The following ST6GALNAC3 variants were observed in gnomAD, a reference collection of about 807,000 sequenced individuals.
ST6GALNAC3 encodes alpha-N-acetylgalactosaminide alpha-2,6-sialyltransferase 3.
Under a neutral mutation model 32.7 loss-of-function variants are expected in ST6GALNAC3, and 25 were observed. That is an observed-to-expected ratio of 0.76 (90% confidence interval 0.56 to 1.07). The LOEUF (loss-of-function observed/expected upper bound fraction) is 1.07. ST6GALNAC3 is among the 50% of genes least tolerant of loss of function. ST6GALNAC3 has a pLI of 0.00. For synonymous variants in ST6GALNAC3, 129 were observed against 133.1 expected (o/e 0.97, Z 0.21); for missense variants, 355 against 382.4 (o/e 0.93, Z 0.60).
At chr1:76,634,941 C>T (rs1442242707), downstream of ST6GALNAC3, among the ~76,000 whole-genome samples, 1 of 42,118 alleles carries the variant, frequency 2.4e-5, no homozygotes, top group Non-Finnish European at 4.5e-5. Context: ...CCTCGTGATC[C>T]GCCCGCCTCG....
intron 1 of ST6GALNAC3, among the ~76,000 whole-genome samples, chr1:76,305,291 A>G (rs1294990838): frequency 2.0e-5 from 3 of 152,134 alleles, no homozygotes; most frequent in Non-Finnish European, 4.4e-5. Flanking sequence ...AAAGAAGATC[A>G]CTTTGGGATA....
At chr1:76,517,067 T>C (rs972732971) in intron 3 of ST6GALNAC3, among the ~76,000 whole-genome samples, 2 of 151,946 alleles carry the variant, frequency 1.3e-5, no homozygotes, top group East Asian at 3.9e-4. Context: ...TAAAAATTTC[T>C]TTGGGATTCT....
intron 2 of ST6GALNAC3, among the ~76,000 whole-genome samples, chr1:76,357,143 T>TTTTTTTTTTTTTTG (rs1420644831): frequency 6.8e-6 from 1 of 145,986 alleles, no homozygotes; most frequent in African/African-American, 2.5e-5. Flanking sequence ...TTTTTTTTTT[T>TTTTTTTTTTTTTTG]TTCATTTTTG....
chr1:76,468,786 A>G (rs1487148272), intron 3 of ST6GALNAC3, among the ~76,000 whole-genome samples: 1 of 152,076 alleles, frequency 6.6e-6, no homozygotes, highest in African/African-American at 2.4e-5. Context: ...AATCAATATA[A>G]TTTGGCAATA....
At chr1:76,491,818 T>G (rs1472409000) in intron 3 of ST6GALNAC3, among the ~76,000 whole-genome samples, 1 of 152,152 alleles carries the variant, frequency 6.6e-6, no homozygotes, top group African/African-American at 2.4e-5. Context: ...AAATTCCCCC[T>G]CAAATTCTTT....
At chr1:76,465,611 A>G (rs999658063) in intron 3 of ST6GALNAC3, among the ~76,000 whole-genome samples, 1 of 152,170 alleles carries the variant, frequency 6.6e-6, no homozygotes, top group African/African-American at 2.4e-5. Context: ...TAGAACTACA[A>G]TTGTCTTACT....
intron 3 of ST6GALNAC3, among the ~76,000 whole-genome samples, chr1:76,601,437 G>C (rs555631277): frequency 6.6e-6 from 1 of 151,990 alleles, no homozygotes; most frequent in Admixed American, 6.6e-5. Context: ...AAAATTAAAG[G>C]GTAAAACTAC....
intron 2 of ST6GALNAC3, among the ~76,000 whole-genome samples, chr1:76,349,041 C>A (rs1290635519): frequency 6.6e-6 from 1 of 152,120 alleles, no homozygotes; most frequent in Non-Finnish European, 1.5e-5. Flanking sequence ...AGCAGCAATT[C>A]CCCATGCTGC....
chr1:76,628,327 G>A (rs1039217392), intron 4 of ST6GALNAC3, among the ~76,000 whole-genome samples: 2 of 151,906 alleles, frequency 1.3e-5, no homozygotes, highest in South Asian at 4.1e-4. Context: ...TCTGCAAGAG[G>A]CTATCTAAAG....
At chr1:76,207,055 A>G (rs1415874043) in intron 1 of ST6GALNAC3, among the ~76,000 whole-genome samples, 1 of 152,202 alleles carries the variant, frequency 6.6e-6, no homozygotes, top group Admixed American at 6.5e-5. Flanking sequence ...TTAAGAGAGA[A>G]ATGTTACTCC....
chr1:76,367,606 T>C (rs1213683612), intron 2 of ST6GALNAC3, among the ~76,000 whole-genome samples: 1 of 152,190 alleles, frequency 6.6e-6, no homozygotes, highest in Admixed American at 6.5e-5. Flanking sequence ...TTACATATTA[T>C]AGATAGCTCT....
At chr1:76,221,335 A>G (rs905994894) in intron 1 of ST6GALNAC3, among the ~76,000 whole-genome samples, 1 of 152,188 alleles carries the variant, frequency 6.6e-6, no homozygotes, top group Non-Finnish European at 1.5e-5. Context: ...GGAAGGGTCC[A>G]CAGGGTCTGG....
intron 1 of ST6GALNAC3, among the ~76,000 whole-genome samples, chr1:76,202,268 A>ATGCATG (rs375529641): frequency 1.3e-4 from 19 of 145,330 alleles, no homozygotes; most frequent in African/African-American, 3.6e-4. Context: ...GTGTGCATGC[A>ATGCATG]TGTGTGTGTG....
At chr1:76,568,170 C>T (rs915635617) in intron 3 of ST6GALNAC3, among the ~76,000 whole-genome samples, 16 of 152,282 alleles carry the variant, frequency 1.1e-4, no homozygotes, top group Middle Eastern at 3.4e-3. Context: ...TATCATTCCA[C>T]GCTTTGAAGC....
chr1:76,139,172 C>G (rs1020181255), intron 1 of ST6GALNAC3, among the ~76,000 whole-genome samples: 1 of 150,258 alleles, frequency 6.7e-6, no homozygotes, highest in Non-Finnish European at 1.5e-5. Context: ...CCAGCCTGGG[C>G]GACAGAGCGA....
chr1:76,508,641 A>G (rs551460332), intron 3 of ST6GALNAC3, among the ~76,000 whole-genome samples: 20 of 152,236 alleles, frequency 1.3e-4, no homozygotes, highest in African/African-American at 4.3e-4. Flanking sequence ...CGGGAAGGGT[A>G]GTCAGAGAAT....
chr1:76,530,390 GC>G (rs548165638), intron 3 of ST6GALNAC3, among the ~76,000 whole-genome samples: 367 of 152,252 alleles, frequency 2.4e-3, no homozygotes, highest in African/African-American at 8.3e-3. Flanking sequence ...AATAAAAATA[GC>G]CTTGCCTAGG....
intron 3 of ST6GALNAC3, among the ~76,000 whole-genome samples, chr1:76,622,232 T>C (rs1232797573): frequency 6.6e-6 from 1 of 152,014 alleles, no homozygotes; most frequent in Non-Finnish European, 1.5e-5. Context: ...CTGAACTCGT[T>C]GTCCTTGTCC....
At chr1:76,159,647 T>A (rs554457806) in intron 1 of ST6GALNAC3, among the ~76,000 whole-genome samples, 1 of 152,236 alleles carries the variant, frequency 6.6e-6, no homozygotes, top group Non-Finnish European at 1.5e-5. Flanking sequence ...GATGAAAGGA[T>A]AGATGAGACC....
Sources: allele counts gnomAD v4.1 joint callset (sites outside exome capture counted in the v4.1 genomes callset), GRCh38; gene constraint gnomAD v4.1.1; transcripts MANE v1.5; gene names NCBI Gene and HGNC (gene_info 2026-07-23, HGNC 2026-07-21).